RIT2: variants seen among roughly 807,000 people sequenced by gnomAD.
RIT2 encodes the protein Ras like without CAAX 2.
In RIT2, 24 loss-of-function variants were observed where a neutral mutation model predicts 23.7. The ratio of observed to expected loss-of-function variants is 1.01; its 90% CI spans 0.73 to 1.43. The LOEUF is 1.43. Ranked by LOEUF, RIT2 falls within the 40% of genes most tolerant of loss-of-function variation. The pLI is 0.00. For synonymous variants in RIT2, 107 were observed against 91.1 expected (o/e 1.17, Z -0.99); for missense variants, 236 against 266.9 (o/e 0.88, Z 0.81).
chr18:42,929,529 A>T (rs958385181), intron 3 of RIT2, among the ~76,000 whole-genome samples: 2 of 152,176 alleles, frequency 1.3e-5, no homozygotes, highest in African/African-American at 4.8e-5. Context: ...CTTGAAGGGT[A>T]CTTGGAATCC....
intron 4 of RIT2, among the ~76,000 whole-genome samples, chr18:42,819,492 C>T (rs1196821250): frequency 1.3e-5 from 2 of 151,820 alleles, no homozygotes; most frequent in African/African-American, 4.8e-5. Flanking sequence ...GCAAGCTTGA[C>T]TGTGTCTTGG....
Position 43,115,497 on chromosome 18 carries a change from C to G in RIT2, c.23G>C (p.Ser8Thr). The change falls in exon 1 of 5, where the codon AGC becomes ACC. Residue 8 changes from serine (S) to threonine (T), a missense_variant. Transcript: ENST00000326695. ...GCCTGATGCGCTGCCCGGGGAGCAG[C>G]TGGCTTCATTTTCTACCTCCATCTT... MEVENEA[S>T]CSPGSASGGS... 5.0e-6 allele frequency: 8 copies of G among 1,613,354 alleles called. No individual in the cohort carries two copies. Among genetic ancestry groups the G allele is most frequent in the Non-Finnish European group, 5.9e-6 (7 of 1,179,714 alleles).
intron 4 of RIT2, among the ~76,000 whole-genome samples, chr18:42,859,697 T>C (rs1907276349): frequency 6.6e-6 from 1 of 152,214 alleles, no homozygotes; most frequent in Non-Finnish European, 1.5e-5. Context: ...ACCTTCTACA[T>C]ATGGATTTAT....
At chr18:42,901,288 T>C (rs1436714986) in intron 4 of RIT2, among the ~76,000 whole-genome samples, 1 of 152,032 alleles carries the variant, frequency 6.6e-6, no homozygotes, top group Non-Finnish European at 1.5e-5. Flanking sequence ...AAAGCACTTG[T>C]ACAATTGTTT....
At chr18:43,088,394 C>G (rs560512381) in intron 1 of RIT2, among the ~76,000 whole-genome samples, 1 of 152,192 alleles carries the variant, frequency 6.6e-6, no homozygotes, top group Non-Finnish European at 1.5e-5. Context: ...TTAGTAAAAA[C>G]TTGAAGCCAA....
chr18:43,012,039 A>G (rs1391297128), intron 2 of RIT2, among the ~76,000 whole-genome samples: 3 of 151,748 alleles, frequency 2.0e-5, no homozygotes, highest in Non-Finnish European at 2.9e-5. Context: ...TCCCATGTTC[A>G]CGTCCAACGA....
chr18:43,028,268 T>A (rs976361747), intron 2 of RIT2, among the ~76,000 whole-genome samples: 3 of 152,016 alleles, frequency 2.0e-5, no homozygotes, highest in African/African-American at 7.2e-5. Context: ...TCTGAGGAGA[T>A]GTATGCAAAC....
At chr18:43,025,211 A>C (rs1183047876) in intron 2 of RIT2, among the ~76,000 whole-genome samples, 34 of 150,546 alleles carry the variant, frequency 2.3e-4, no homozygotes, top group African/African-American at 7.3e-4. Flanking sequence ...TCTGTCTAAA[A>C]AAAACAAAAC....
chr18:42,771,530 T>C (rs935402929), intron 4 of RIT2, among the ~76,000 whole-genome samples: 2 of 152,180 alleles, frequency 1.3e-5, no homozygotes, highest in African/African-American at 2.4e-5. Flanking sequence ...TTTAGCTGTT[T>C]TTGTATTTTT....
At chr18:43,057,946 C>G (rs1912548666) in intron 1 of RIT2, among the ~76,000 whole-genome samples, 1 of 151,978 alleles carries the variant, frequency 6.6e-6, no homozygotes, top group African/African-American at 2.4e-5. Context: ...TTTGGACTTT[C>G]TGGATCTGTA....
intron 4 of RIT2, among the ~76,000 whole-genome samples, chr18:42,857,089 G>A (rs970758517): frequency 4.0e-5 from 6 of 151,638 alleles, no homozygotes; most frequent in Admixed American, 3.3e-4. Context: ...CAAAGTGCTC[G>A]GATTACTGGC....
intron 2 of RIT2, among the ~76,000 whole-genome samples, chr18:42,996,570 C>T (rs1910988950): frequency 6.6e-6 from 1 of 152,054 alleles, no homozygotes; most frequent in African/African-American, 2.4e-5. Flanking sequence ...TCTCCTGGCT[C>T]ACCCTGGCTC....
rs147296594 is a variant in RIT2 at position 42,945,218 on chromosome 18, T to C, written c.235-21455A>G. On this transcript the variant is annotated intron_variant, in intron 3 of 4. Transcript: ENST00000326695. Reference sequence around the variant, plus strand: ...TGTACTTTATAAGATATTTTACAGGTATATTTTGTCACTGACAATTTAGCA... The same window carrying C: ...TGTACTTTATAAGATATTTTACAGGCATATTTTGTCACTGACAATTTAGCA... Among the ~76,000 whole-genome samples, 483 of 152,258 alleles carry C rather than the reference T, an allele frequency of 3.2e-3. 2 individuals are homozygous for C. The highest frequency in any genetic ancestry group is 0.011 in the African/African-American group (438 of 41,574).
At chr18:43,004,309 A>T (rs905344141) in intron 2 of RIT2, among the ~76,000 whole-genome samples, 14 of 151,928 alleles carry the variant, frequency 9.2e-5, no homozygotes. Context: ...CATTTTCAGC[A>T]GGTCAGTTCT....
At chr18:42,899,987 T>G (rs997558515) in intron 4 of RIT2, among the ~76,000 whole-genome samples, 7 of 151,940 alleles carry the variant, frequency 4.6e-5, no homozygotes, top group African/African-American at 1.7e-4. Flanking sequence ...AGTACAAAAC[T>G]ACATAATTTA....
At chr18:43,006,943 A>G (rs1248464917) in intron 2 of RIT2, among the ~76,000 whole-genome samples, 1 of 151,534 alleles carries the variant, frequency 6.6e-6, no homozygotes, top group African/African-American at 2.4e-5. Context: ...AAAAACCAAA[A>G]AGAAGAAATA....
chr18:42,945,470 G>A (rs903397601), intron 3 of RIT2, among the ~76,000 whole-genome samples: 7 of 151,988 alleles, frequency 4.6e-5, no homozygotes, highest in African/African-American at 7.2e-5. Flanking sequence ...GATCCATTCC[G>A]TTAGAATATC....
chr18:42,950,954 T>TA (rs1344141023), intron 3 of RIT2, among the ~76,000 whole-genome samples: 1 of 151,586 alleles, frequency 6.6e-6, no homozygotes, highest in African/African-American at 2.4e-5. Context: ...GGGGAAGACT[T>TA]ACACCCTACT....
At chr18:42,750,048 A>G (rs986054455) in intron 4 of RIT2, among the ~76,000 whole-genome samples, 5 of 151,844 alleles carry the variant, frequency 3.3e-5, no homozygotes, top group Non-Finnish European at 4.4e-5. Flanking sequence ...ATGACATACT[A>G]TTATATACAA....
Sources: gnomAD v4.1 joint callset for allele counts (sites outside exome capture counted in the v4.1 genomes callset) on GRCh38, gnomAD v4.1.1 for gene constraint, MANE v1.5 for transcripts, NCBI Gene and HGNC (gene_info 2026-07-23, HGNC 2026-07-21) for gene names.